CTDP1: variants seen among roughly 807,000 people sequenced by gnomAD.
CTDP1 encodes the protein RNA polymerase II subunit A C-terminal domain phosphatase.
Under a neutral mutation model 91.8 loss-of-function variants are expected in CTDP1, and 47 were observed. That is an observed-to-expected ratio of 0.51 (90% CI 0.41 to 0.65). CTDP1 has a LOEUF of 0.65. Ranked by LOEUF, CTDP1 falls within the 30% of genes least tolerant of loss-of-function variation. The pLI is 0.00. For synonymous variants in CTDP1, 656 were observed against 598.5 expected, an observed-to-expected ratio of 1.10 and a Z score of -1.40; for missense variants, 1,272 against 1,373.7, an observed-to-expected ratio of 0.93 and a Z score of 1.17.
At position 79,719,534 on chromosome 18, in the gene CTDP1, G is replaced by T. The variant is rs191447997; in HGVS notation, c.2417+1518G>T. On this transcript the variant is annotated intron_variant, in intron 10 of 12. Coordinates refer to ENST00000613122, the MANE Select transcript of CTDP1 (RefSeq NM_004715.5). ...TGATGATGTCACCTCCCGTTGTTAG[G>T]AAGGCATCCTGGTGATGTCACCTCC... Among the ~76,000 whole-genome samples, 31 of 152,092 alleles carry T rather than the reference G, an allele frequency of 2.0e-4. No homozygotes were observed. In the East Asian group the frequency reaches 5.0e-3, roughly 25 times the overall value.
chr18:79,695,913 G>A (rs1383841606), intron 2 of CTDP1, 64 bp from the exon 3 acceptor site: 1 of 1,286,942 alleles, frequency 7.8e-7, no homozygotes, highest in East Asian at 2.3e-5. Context: ...GTCACTTAGA[G>A]CCCAGTGTGC....
intron 5 of CTDP1, among the ~76,000 whole-genome samples, chr18:79,706,367 T>C (rs1233644475): frequency 1.3e-5 from 2 of 152,144 alleles, no homozygotes; most frequent in African/African-American, 4.8e-5. Flanking sequence ...GATTGTGCCG[T>C]TGCAGCCAGT....
chr18:79,719,213 G>A (rs1041597682), intron 10 of CTDP1, among the ~76,000 whole-genome samples: 3 of 152,190 alleles, frequency 2.0e-5, no homozygotes, highest in African/African-American at 7.2e-5. Flanking sequence ...TGTCTTTTAC[G>A]ATTCTGGAGA....
intron 11 of CTDP1, chr18:79,735,892 G>A (rs367730082): frequency 5.7e-5 from 11 of 193,166 alleles, no homozygotes; most frequent in Admixed American, 1.6e-4. Flanking sequence ...CTTAGCGAGC[G>A]TCCCTGTGGC....
chr18:79,686,370 T>A (rs541751897), intron 1 of CTDP1, among the ~76,000 whole-genome samples: 1 of 152,328 alleles, frequency 6.6e-6, no homozygotes, highest in African/African-American at 2.4e-5. Context: ...AAACAAGCGA[T>A]GTAAGTTGTC....
At chr18:79,735,247 G>A (rs574721493) in intron 11 of CTDP1, among the ~76,000 whole-genome samples, 7 of 152,290 alleles carry the variant, frequency 4.6e-5, no homozygotes, top group African/African-American at 7.2e-5. Flanking sequence ...GGTCGGCGTC[G>A]GTGAGTGCCC....
intron 1 of CTDP1, among the ~76,000 whole-genome samples, chr18:79,681,223 A>G (rs1405396862): frequency 2.0e-5 from 3 of 152,202 alleles, no homozygotes; most frequent in Non-Finnish European, 4.4e-5. Context: ...ACAGCCCCAG[A>G]ACGTCCTGGC....
chr18:79,725,241 A>T (rs895805502), intron 10 of CTDP1, among the ~76,000 whole-genome samples: 1 of 152,136 alleles, frequency 6.6e-6, no homozygotes, highest in Non-Finnish European at 1.5e-5. Context: ...TGCACTTGTC[A>T]CGTTGTGTGC....
In CTDP1 at chr18:79,717,913, C is replaced by T. The variant is rs2086252564; in HGVS notation, c.2314C>T (p.Arg772Trp). 3 of 1,613,432 alleles carry T rather than the reference C, an allele frequency of 1.9e-6. No homozygotes were observed. The highest frequency in any genetic ancestry group is 2.2e-5 in the East Asian group (1 of 44,874). ...CAAGGCCCAGCCTGGCCCCGAGGTT[C>T]GGATCTACGACTCCAACACGGGGAA... Reference protein sequence around the residue: ...LPKAQPGPEVRIYDSNTGKLI... With the variant: ...LPKAQPGPEVWIYDSNTGKLI... The change falls in exon 10 of 13, where the codon CGG becomes TGG. Residue 772 changes from arginine to tryptophan, a missense_variant. This residue lies in a region of CTDP1 where 881 missense variants were observed against 911.6 expected (regional missense o/e 0.97). Transcript: ENST00000613122.
intron 11 of CTDP1, among the ~76,000 whole-genome samples, chr18:79,729,528 C>T (rs1259428028): frequency 6.6e-6 from 1 of 152,240 alleles, no homozygotes. Context: ...CTTAAACACA[C>T]GCACACAGAG....
At chr18:79,746,467 C>T (rs1194139251) in intron 12 of CTDP1, among the ~76,000 whole-genome samples, 2 of 152,266 alleles carry the variant, frequency 1.3e-5, no homozygotes, top group Non-Finnish European at 2.9e-5. Context: ...TGTGTTCGTT[C>T]TCCCTTCACA....
At chr18:79,749,498 T>TCA (rs2086950522) in intron 12 of CTDP1, among the ~76,000 whole-genome samples, 5 of 11,276 alleles carry the variant, frequency 4.4e-4, no homozygotes, top group East Asian at 0.014. Flanking sequence ...ACTGTGAGGG[T>TCA]CGCGCCCCGT....
At chr18:79,746,499 G>T (rs2086885551) in intron 12 of CTDP1, among the ~76,000 whole-genome samples, 1 of 152,266 alleles carries the variant, frequency 6.6e-6, no homozygotes, top group South Asian at 2.1e-4. Flanking sequence ...GTTTTGGTTT[G>T]TGAAAGTTTG....
Position 79,715,409 on chromosome 18 carries a change from C to T in CTDP1, c.1949C>T (p.Pro650Leu), listed in dbSNP as rs1227734595. The T allele has an allele frequency of 6.2e-6, 10 of 1,602,990 alleles. No individual in the cohort carries two copies. The highest frequency in any genetic ancestry group is 8.5e-6 in the Non-Finnish European group (10 of 1,174,750). The change falls in exon 8 of 13, where the codon CCG becomes CTG. Residue 650 changes from proline (P) to leucine (L), a missense_variant. Around this residue, in one of 3 missense-constraint regions of CTDP1, gnomAD observed 881 missense variants for 911.6 expected, o/e 0.97. Coordinates refer to ENST00000613122, the MANE Select transcript of CTDP1 (RefSeq NM_004715.5). ...IFSGLHPTNF[P>L]IEKTREHYHA... Reference sequence around the variant, plus strand: ...AGTGGGCTACACCCGACAAACTTCCCGATAGAGAAGACGCGGGAGCATTAC... The same window carrying T: ...AGTGGGCTACACCCGACAAACTTCCTGATAGAGAAGACGCGGGAGCATTAC...
chr18:79,731,496 TC>T, intron 11 of CTDP1, among the ~76,000 whole-genome samples: 1 of 152,270 alleles, frequency 6.6e-6, no homozygotes, highest in Non-Finnish European at 1.5e-5. Flanking sequence ...TGTGCCCAGT[TC>T]CTTGAGACCC....
At chr18:79,743,573 T>C (rs2086824457) in intron 12 of CTDP1, among the ~76,000 whole-genome samples, 1 of 143,162 alleles carries the variant, frequency 7.0e-6, no homozygotes, top group African/African-American at 2.7e-5. Flanking sequence ...GGAGTCTGAG[T>C]GTGCACCTGC....
intron 11 of CTDP1, among the ~76,000 whole-genome samples, chr18:79,734,520 G>GC (rs1335615393): frequency 2.0e-5 from 3 of 151,736 alleles, no homozygotes; most frequent in African/African-American, 7.3e-5. Context: ...ACGGGGGCAC[G>GC]TGCCGGGCTG....
chr18:79,688,382 G>A (rs1033742379), intron 1 of CTDP1, among the ~76,000 whole-genome samples: 16 of 152,160 alleles, frequency 1.1e-4, no homozygotes, highest in Non-Finnish European at 1.8e-4. Flanking sequence ...CTCCTGCCTC[G>A]GCCTCCTGAG....
chr18:79,689,612 C>A (rs576817317), intron 1 of CTDP1, among the ~76,000 whole-genome samples: 1 of 152,220 alleles, frequency 6.6e-6, no homozygotes, highest in African/African-American at 2.4e-5. Flanking sequence ...ATGGTGAAAC[C>A]CCATCTCTAC....
Sources: allele counts gnomAD v4.1 joint callset (sites outside exome capture counted in the v4.1 genomes callset), GRCh38; gene constraint gnomAD v4.1.1; regional missense constraint gnomAD v4.1.1; transcripts MANE v1.5; gene names NCBI Gene and HGNC (gene_info 2026-07-23, HGNC 2026-07-21).